MTMR12: variants seen among roughly 807,000 people sequenced by gnomAD.
MTMR12 encodes the protein myotubularin related protein 12, also known as myotubularin-related protein 12.
In MTMR12, 33 loss-of-function variants were observed where a neutral mutation model predicts 96.7. That is an observed-to-expected ratio of 0.34 (90% CI 0.26 to 0.46). MTMR12 has a LOEUF of 0.46. Ranked by LOEUF, MTMR12 falls within the 20% of genes least tolerant of loss-of-function variation. The probability of loss-of-function intolerance (pLI) is 1.00; values close to 1 mark genes in which losing one functional copy is unlikely to be tolerated. For synonymous variants in MTMR12, 298 were observed against 327.2 expected (o/e 0.91, Z 0.96); for missense variants, 721 against 896.1 (o/e 0.80, Z 2.49).
intron 6 of MTMR12, among the ~76,000 whole-genome samples, chr5:32,268,433 G>A (rs544733540): frequency 7.9e-5 from 12 of 151,818 alleles, no homozygotes; most frequent in Non-Finnish European, 1.5e-4. Context: ...GCTTGAACCC[G>A]GGAGGCGGAA....
chr5:32,311,181 A>G (rs890037372), intron 1 of MTMR12, among the ~76,000 whole-genome samples: 11 of 152,194 alleles, frequency 7.2e-5, no homozygotes, highest in Non-Finnish European at 1.3e-4. Flanking sequence ...ATCCCATTAA[A>G]TATATACACC....
chr5:32,307,469 C>T (rs907750933), intron 1 of MTMR12, among the ~76,000 whole-genome samples: 4 of 152,038 alleles, frequency 2.6e-5, no homozygotes, highest in African/African-American at 9.7e-5. Flanking sequence ...CAGATCCCTC[C>T]CTCCTATTCA....
intron 7 of MTMR12, among the ~76,000 whole-genome samples, chr5:32,262,045 CT>C (rs1272963748): frequency 6.6e-6 from 1 of 151,870 alleles, no homozygotes; most frequent in African/African-American, 2.4e-5. Context: ...GCACTCCAGC[CT>C]GGGGGACAGA....
rs1403503435 is a variant in MTMR12 at position 32,233,644 on chromosome 5, C to G, written c.1674+129G>C. The G allele has an allele frequency of 7.7e-7, 1 of 1,299,590 alleles. No individual in the cohort carries two copies. Among genetic ancestry groups the G allele is most frequent in the African/African-American group, 1.5e-5 (1 of 68,030 alleles). 80.5% of individuals were successfully genotyped at this position (1,299,590 alleles called of 1,614,324 possible). A position where few individuals can be genotyped will look rare whatever the true frequency, so the allele number is the denominator to read the frequency against. Reference sequence around the variant, plus strand: ...ATGGCCCTTGACAATTTGACCATCACAAGTCTCAACTCTGCAGACTGCTTC... The same window carrying G: ...ATGGCCCTTGACAATTTGACCATCAGAAGTCTCAACTCTGCAGACTGCTTC... On this transcript the variant is annotated intron_variant, in intron 15 of 15. Coordinates refer to ENST00000382142, the MANE Select transcript of MTMR12 (RefSeq NM_001040446.3). The surrounding 1 kb of genome is among the most constrained non-coding windows in gnomAD (Gnocchi z 5.0).
intron 1 of MTMR12, among the ~76,000 whole-genome samples, chr5:32,294,065 A>C (rs1340607460): frequency 6.6e-6 from 1 of 152,062 alleles, no homozygotes; most frequent in Non-Finnish European, 1.5e-5. Flanking sequence ...CCTAGCTCGC[A>C]TGCTCCCGAC....
intron 1 of MTMR12, among the ~76,000 whole-genome samples, chr5:32,303,801 T>A (rs1383228702): frequency 7.0e-6 from 1 of 142,072 alleles, no homozygotes; most frequent in Non-Finnish European, 1.5e-5. Context: ...AGAACCTGCA[T>A]GTTCTCTTGT....
At chr5:32,303,380 T>C (rs1340046093) in intron 1 of MTMR12, among the ~76,000 whole-genome samples, 2 of 152,286 alleles carry the variant, frequency 1.3e-5, no homozygotes, top group South Asian at 2.1e-4. Flanking sequence ...GGTGAGGCCC[T>C]GAGGCCTTTC....
At chr5:32,261,399 C>T (rs1476047340) in intron 7 of MTMR12, among the ~76,000 whole-genome samples, 2 of 152,100 alleles carry the variant, frequency 1.3e-5, no homozygotes, top group Non-Finnish European at 2.9e-5. Flanking sequence ...TCTTACTCCT[C>T]CCTCCACCTG....
At chr5:32,286,379 T>C (rs1750540020) in intron 1 of MTMR12, among the ~76,000 whole-genome samples, 1 of 152,010 alleles carries the variant, frequency 6.6e-6, no homozygotes, top group Non-Finnish European at 1.5e-5. Flanking sequence ...AATTGACTTT[T>C]ATTAGCCAGG....
chr5:32,268,457 A>T (rs554420200), intron 6 of MTMR12, among the ~76,000 whole-genome samples: 1 of 152,122 alleles, frequency 6.6e-6, no homozygotes, highest in South Asian at 2.1e-4. Flanking sequence ...GCAGTGGGCC[A>T]AAATCATGCC....
At chr5:32,245,664 C>T (rs1240452534) in intron 10 of MTMR12, among the ~76,000 whole-genome samples, 1 of 152,036 alleles carries the variant, frequency 6.6e-6, no homozygotes, top group Non-Finnish European at 1.5e-5. Context: ...CTTGCCTCTA[C>T]TAAAAATACA....
Position 32,246,925 on chromosome 5 carries a change from A to G in MTMR12, c.1021+1077T>C, listed in dbSNP as rs543344343. Among the ~76,000 whole-genome samples, 19 of 152,228 alleles carry G rather than the reference A, an allele frequency of 1.2e-4. 1 individual carries two copies. Among genetic ancestry groups the G allele is most frequent in the Non-Finnish European group, 2.4e-4 (16 of 68,040 alleles). On this transcript the variant is annotated intron_variant, in intron 10 of 15. Coordinates refer to ENST00000382142, the MANE Select transcript of MTMR12 (RefSeq NM_001040446.3). ...AGTATGAGTTATTTTGGGGTAAAAAAGTTTTGGAATTCATGTGTAGTTTTT... is the reference window on the plus strand; with the variant it reads ...AGTATGAGTTATTTTGGGGTAAAAAGGTTTTGGAATTCATGTGTAGTTTTT...
chr5:32,305,295 G>C (rs993083319), intron 1 of MTMR12, among the ~76,000 whole-genome samples: 4 of 151,994 alleles, frequency 2.6e-5, no homozygotes, highest in African/African-American at 9.7e-5. Flanking sequence ...CACCATATTG[G>C]CCAGGCTGGT....
intron 1 of MTMR12, among the ~76,000 whole-genome samples, chr5:32,299,356 TACC>T (rs1211141497): frequency 6.6e-6 from 1 of 152,178 alleles, no homozygotes; most frequent in East Asian, 1.9e-4. Context: ...TGCTCTTAAC[TACC>T]ACATTATACT....
At chr5:32,276,278 T>C (rs550476843) in intron 2 of MTMR12, among the ~76,000 whole-genome samples, 11 of 152,338 alleles carry the variant, frequency 7.2e-5, no homozygotes, top group South Asian at 2.1e-4. Context: ...CAAGTGGGTA[T>C]GGACTGAGAG....
At chr5:32,235,473 T>A (rs1238323312) in intron 13 of MTMR12, among the ~76,000 whole-genome samples, 1 of 152,204 alleles carries the variant, frequency 6.6e-6, no homozygotes, top group Admixed American at 6.5e-5. Flanking sequence ...TCCAAAAAAA[T>A]TCCATTCTTC....
chr5:32,236,191 T>C (rs1226913389), intron 13 of MTMR12, among the ~76,000 whole-genome samples: 1 of 152,126 alleles, frequency 6.6e-6, no homozygotes, highest in Non-Finnish European at 1.5e-5. Context: ...AGGTCTCTTC[T>C]TAGACCTCAG....
intron 13 of MTMR12, among the ~76,000 whole-genome samples, chr5:32,237,410 G>T (rs1748281281): frequency 6.6e-6 from 1 of 152,166 alleles, no homozygotes; most frequent in Non-Finnish European, 1.5e-5. Context: ...TCCAGGCCTG[G>T]AGCGATTAGT....
At chr5:32,288,371 G>C (rs964898960) in intron 1 of MTMR12, among the ~76,000 whole-genome samples, 3 of 152,104 alleles carry the variant, frequency 2.0e-5, no homozygotes, top group Non-Finnish European at 4.4e-5. Context: ...CACTGCCTGA[G>C]GCAACACTGA....
Sources: allele counts gnomAD v4.1 joint callset (sites outside exome capture counted in the v4.1 genomes callset), GRCh38; gene constraint gnomAD v4.1.1; non-coding constraint Gnocchi (gnomAD v3.1); transcripts MANE v1.5; gene names NCBI Gene and HGNC (gene_info 2026-07-23, HGNC 2026-07-21).